ITFG1: variants seen among roughly 807,000 people sequenced by gnomAD.
The protein encoded by ITFG1 is integrin alpha FG-GAP repeat containing 1, also known as T-cell immunomodulatory protein.
A neutral mutation model predicts 81.8 loss-of-function variants in ITFG1; 34 were observed. The observed-to-expected ratio is 0.42, with a 90% CI of 0.32 to 0.55. The LOEUF (loss-of-function observed/expected upper bound fraction) is 0.55, where lower values mean the gene tolerates loss of function less well. Among genes scored for constraint, ITFG1 ranks in the 20% least tolerant of loss-of-function variants. The probability of loss-of-function intolerance (pLI) is 0.17; values close to 1 mark genes in which losing one functional copy is unlikely to be tolerated. For missense variants in ITFG1, 672 were observed against 755.4 expected, an observed-to-expected ratio of 0.89 and a Z score of 1.29; for synonymous variants, 285 against 270.6, an observed-to-expected ratio of 1.05 and a Z score of -0.52.
rs373106942 is a variant in ITFG1 at position 47,199,037 on chromosome 16, G to T, written c.1453+19831C>A. Among the ~76,000 whole-genome samples the T allele has an allele frequency of 2.6e-5, 4 of 152,232 alleles. No homozygotes were observed. The South Asian group carries it at 8.3e-4, about 32-fold the overall frequency. On this transcript the variant is annotated intron_variant, in intron 14 of 17. Transcript: ENST00000320640. ...ACCTGTAATCTCAGCACTTTGGGAG[G>T]CTGAGACAGGTGGATCACTTGAGGC...
chr16:47,345,809 G>T (rs1037369993), intron 8 of ITFG1, among the ~76,000 whole-genome samples: 3 of 152,172 alleles, frequency 2.0e-5, no homozygotes, highest in Non-Finnish European at 2.9e-5. Flanking sequence ...GACTACCATT[G>T]TATATGCGGT....
At chr16:47,197,601 T>C (rs1238456207) in intron 14 of ITFG1, among the ~76,000 whole-genome samples, 1 of 152,242 alleles carries the variant, frequency 6.6e-6, no homozygotes, top group Non-Finnish European at 1.5e-5. Flanking sequence ...CCCCGGGCCA[T>C]GGTCACTCAA....
intron 6 of ITFG1, among the ~76,000 whole-genome samples, chr16:47,377,983 G>C (rs1425388571): frequency 6.6e-6 from 1 of 152,132 alleles, no homozygotes; most frequent in Non-Finnish European, 1.5e-5. Context: ...GGGAAAGAAG[G>C]GTCTACGTTA....
At chr16:47,441,122 A>G (rs1454987752) in intron 5 of ITFG1, among the ~76,000 whole-genome samples, 1 of 152,232 alleles carries the variant, frequency 6.6e-6, no homozygotes, top group African/African-American at 2.4e-5. Context: ...TCCCAAGACT[A>G]AACCAGGAAG....
intron 2 of ITFG1, among the ~76,000 whole-genome samples, chr16:47,457,069 G>C (rs1969463031): frequency 1.3e-5 from 2 of 152,244 alleles, no homozygotes; most frequent in South Asian, 4.1e-4. Context: ...CAGCACTTTG[G>C]GAGGCCGAGG....
intron 6 of ITFG1, among the ~76,000 whole-genome samples, chr16:47,385,903 T>C (rs1237306383): frequency 5.3e-5 from 8 of 152,230 alleles, no homozygotes; most frequent in Non-Finnish European, 7.3e-5. Flanking sequence ...GTTTTGTAAA[T>C]TGATCATATT....
intron 10 of ITFG1, among the ~76,000 whole-genome samples, chr16:47,275,870 A>G (rs568308797): frequency 1.3e-5 from 2 of 152,252 alleles, no homozygotes; most frequent in Admixed American, 1.3e-4. Context: ...AAATTGCTAT[A>G]ATCTGTGATT....
At chr16:47,241,975 GAA>G (rs1965941007) in intron 12 of ITFG1, among the ~76,000 whole-genome samples, 2 of 150,128 alleles carry the variant, frequency 1.3e-5, no homozygotes, top group Non-Finnish European at 1.5e-5. Flanking sequence ...AAAAGAAAAA[GAA>G]AAGAGTGACA....
intron 10 of ITFG1, among the ~76,000 whole-genome samples, chr16:47,294,888 C>T (rs908237078): frequency 2.6e-5 from 4 of 151,950 alleles, no homozygotes; most frequent in South Asian, 2.1e-4. Flanking sequence ...TTAGGACGTC[C>T]GGTATTATTT....
At chr16:47,183,062 G>C (rs561532517) in intron 14 of ITFG1, among the ~76,000 whole-genome samples, 3 of 152,314 alleles carry the variant, frequency 2.0e-5, no homozygotes, top group Non-Finnish European at 4.4e-5. Context: ...CTTTTCCGAC[G>C]GGCTTAAAAA....
chr16:47,435,045 G>GCTTT (rs1969147763), intron 5 of ITFG1, among the ~76,000 whole-genome samples: 1 of 152,166 alleles, frequency 6.6e-6, no homozygotes, highest in African/African-American at 2.4e-5. Context: ...GAGGCTTGGA[G>GCTTT]GGAGAGCATC....
At chr16:47,207,843 G>T (rs1230116586) in intron 14 of ITFG1, among the ~76,000 whole-genome samples, 1 of 119,956 alleles carries the variant, frequency 8.3e-6, no homozygotes, top group African/African-American at 3.2e-5. Flanking sequence ...TATCTGGTTT[G>T]TTCAACAATA....
intron 6 of ITFG1, chr16:47,426,490 A>C (rs1023351886): frequency 1.3e-5 from 2 of 149,468 alleles, no homozygotes; most frequent in Non-Finnish European, 3.0e-5. Context: ...TGTAGTCAAC[A>C]CCTTATTATT....
At chr16:47,343,196 T>C (rs1369172070) in intron 8 of ITFG1, among the ~76,000 whole-genome samples, 1 of 152,108 alleles carries the variant, frequency 6.6e-6, no homozygotes, top group Non-Finnish European at 1.5e-5. Context: ...CATAGACGTA[T>C]GGCCACCTGA....
chr16:47,421,369 G>A (rs369362155), intron 6 of ITFG1, among the ~76,000 whole-genome samples: 15 of 151,580 alleles, frequency 9.9e-5, no homozygotes, highest in Non-Finnish European at 1.0e-4. Flanking sequence ...GCAGTGGCGC[G>A]ATCCTGGCTC....
In ITFG1 at chr16:47,237,970, T is replaced by C. The variant is rs1273867242; in HGVS notation, c.1369A>G (p.Ile457Val). Residue 457 changes from isoleucine (I) to valine (V), a missense_variant, in exon 13 of 18, where the codon ATA (isoleucine) becomes GTA (valine). Physicochemically the swap from Ile to Val is conservative, Grantham distance 29 (BLOSUM62 3). Coordinates refer to ENST00000320640, the MANE Select transcript of ITFG1 (RefSeq NM_030790.5). ...ACAGATATAAATTTACTTACTGTTA[T>C]CTTACGAGGACAGTCATTAGAACAC... ...GLCSNDCPRK[I>V]TPFGVNQPGP... The C allele has an allele frequency of 3.5e-6, 5 of 1,420,596 alleles. No homozygotes were observed. Among genetic ancestry groups the C allele is most frequent in the Non-Finnish European group, 3.9e-6 (4 of 1,033,986 alleles). 88.0% of individuals were successfully genotyped at this position (1,420,596 alleles called of 1,614,324 possible). A position where few individuals can be genotyped will look rare whatever the true frequency, so the allele number is the denominator to read the frequency against.
chr16:47,233,732 A>C (rs1161385502), intron 13 of ITFG1, among the ~76,000 whole-genome samples: 1 of 152,202 alleles, frequency 6.6e-6, no homozygotes, highest in Non-Finnish European at 1.5e-5. Flanking sequence ...GGAAGCTGAG[A>C]AGCACTTGTG....
intron 6 of ITFG1, among the ~76,000 whole-genome samples, chr16:47,409,405 T>TATA (rs60029204): frequency 7.5e-4 from 6 of 8,030 alleles, no homozygotes; most frequent in African/African-American, 2.2e-3. Flanking sequence ...TATATATATA[T>TATA]TTTTTTTTTT....
At chr16:47,455,861 T>G (rs1334737405) in intron 2 of ITFG1, among the ~76,000 whole-genome samples, 4 of 138,594 alleles carry the variant, frequency 2.9e-5, no homozygotes, top group Non-Finnish European at 6.3e-5. Flanking sequence ...AAAACAAAAC[T>G]AAATGATAAA....
Sources: gnomAD v4.1 joint callset for allele counts (sites outside exome capture counted in the v4.1 genomes callset) on GRCh38, gnomAD v4.1.1 for gene constraint, MANE v1.5 for transcripts, NCBI Gene and HGNC (gene_info 2026-07-23, HGNC 2026-07-21) for gene names.